The following PRPF31 variants were observed in gnomAD, a reference collection of about 807,000 sequenced individuals.
The protein encoded by PRPF31 is pre-mRNA processing factor 31.
PRPF31 carries 12 observed loss-of-function variants against 60.4 expected under a neutral mutation model. The observed-to-expected ratio is 0.20, with a 90% CI of 0.13 to 0.32. The LOEUF is 0.32. PRPF31 is among the 10% of genes least tolerant of loss of function. The pLI, the probability that PRPF31 is intolerant of heterozygous loss-of-function variation, is 1.00. For missense variants in PRPF31, 431 were observed against 687.1 expected (o/e 0.63, Z 4.17); for synonymous variants, 287 against 287.9 (o/e 1.00, Z 0.03).
At chr19:54,117,744 A>G (rs1339956750) in intron 1 of PRPF31, among the ~76,000 whole-genome samples, 6 of 151,688 alleles carry the variant, frequency 4.0e-5, no homozygotes, top group African/African-American at 1.5e-4. Context: ...CCAGCTACTC[A>G]GGAGGCTGAG....
At chr19:54,126,691 C>T in intron 9 of PRPF31, 74 bp downstream of exon 9, 1 of 1,392,744 alleles carries the variant, frequency 7.2e-7, no homozygotes, top group Non-Finnish European at 1.0e-6. Context: ...GGGAGACCCT[C>T]AGCAGGGAGC....
intron 9 of PRPF31, among the ~76,000 whole-genome samples, chr19:54,127,630 G>A (rs921918766): frequency 6.6e-6 from 1 of 152,220 alleles, no homozygotes; most frequent in Non-Finnish European, 1.5e-5. Context: ...TGTTATTCAA[G>A]TAATTATTCA....
Position 54,123,576 on chromosome 19 carries a change from G to T in PRPF31, c.527+16G>T. Reference sequence around the variant, plus strand: ...CCACCCAGGGGTATGTCCGCTTCGAGGGAGGCGCCGGGCCCTAATGGGATT... The same window carrying T: ...CCACCCAGGGGTATGTCCGCTTCGATGGAGGCGCCGGGCCCTAATGGGATT... On this transcript the variant is annotated intron_variant, in intron 6 of 13. Coordinates refer to ENST00000321030, the MANE Select transcript of PRPF31 (RefSeq NM_015629.4). 1 of 1,612,900 alleles carries T rather than the reference G, an allele frequency of 6.2e-7. No individual in the cohort carries two copies.
chr19:54,126,245 C>T (rs1568594366), intron 8 of PRPF31, among the ~76,000 whole-genome samples: 1 of 152,182 alleles, frequency 6.6e-6, no homozygotes, highest in Non-Finnish European at 1.5e-5. Context: ...CGAGTGCACT[C>T]CCCCCGGCGT....
At chr19:54,124,184 T>C (rs1431523645) in intron 7 of PRPF31, 3 of 711,572 alleles carry the variant, frequency 4.2e-6, no homozygotes, top group Non-Finnish European at 6.8e-6. Flanking sequence ...GCTCCTGGTT[T>C]GGTGAAAATG....
rs1374316824 is a variant in PRPF31, at chr19:54,124,638, C to T, written c.837C>T (p.Ile279=). Residue 279 remains isoleucine (I), a synonymous_variant, in exon 8 of 14, where the codon ATC becomes ATT. Transcript: ENST00000321030. ...PHTGYIYHSD[I]VQSLPPDLRR... is the part of the protein sequence containing the mutation. ...CCGGCTACATCTACCACAGTGACAT[C>T]GTGCAGTCCCTGCCACCGGTGAGCC... 9 of 1,613,280 alleles carry T rather than the reference C, an allele frequency of 5.6e-6. No individual in the cohort carries two copies. Among genetic ancestry groups the T allele is most frequent in the East Asian group, 4.5e-5 (2 of 44,884 alleles).
intron 8 of PRPF31, among the ~76,000 whole-genome samples, chr19:54,126,244 T>G (rs1184676342): frequency 6.6e-6 from 1 of 152,082 alleles, no homozygotes; most frequent in Non-Finnish European, 1.5e-5. Context: ...CCGAGTGCAC[T>G]CCCCCCGGCG....
At chr19:54,129,638 G>A (rs1317895035) in intron 13 of PRPF31, among the ~76,000 whole-genome samples, 2 of 133,392 alleles carry the variant, frequency 1.5e-5, no homozygotes, top group African/African-American at 5.5e-5. Flanking sequence ...TTCCTCTGTC[G>A]GGCTGTGAGC....
At chr19:54,128,971 G>A in intron 11 of PRPF31, 86 bp from the exon 12 acceptor site, 2 of 1,403,668 alleles carry the variant, frequency 1.4e-6, no homozygotes, top group Non-Finnish European at 2.0e-6. Flanking sequence ...GTGACCGCTG[G>A]GCTTCGGGCT....
chr19:54,123,671 C>A (rs1357810692), intron 6 of PRPF31, 78 bp from the exon 7 acceptor site: 8 of 1,517,204 alleles, frequency 5.3e-6, no homozygotes, highest in Non-Finnish European at 6.3e-6. Context: ...CACACACACA[C>A]ACAGAACCGA....
chr19:54,122,396 G>A, intron 4 of PRPF31, 101 bp from the exon 5 acceptor site: 1 of 906,506 alleles, frequency 1.1e-6, no homozygotes, highest in Admixed American at 1.7e-5. Flanking sequence ...CACAAGCCAG[G>A]GCTTCAGTTA....
At position 54,123,568 on chromosome 19, in the gene PRPF31, C is replaced by A; in HGVS notation, c.527+8C>A. ...CGCCTCCACCACCCAGGGGTATGTC[C>A]GCTTCGAGGGAGGCGCCGGGCCCTA... On this transcript the variant is annotated splice_region_variant and intron_variant, in intron 6 of 13. Transcript: ENST00000321030. 1 of 1,613,760 alleles carries A rather than the reference C, an allele frequency of 6.2e-7. No individual in the cohort carries two copies. Among genetic ancestry groups the A allele is most frequent in the Non-Finnish European group, 8.5e-7 (1 of 1,179,670 alleles).
intron 8 of PRPF31, 49 bp from the exon 9 acceptor site, chr19:54,126,479 C>T (rs749574668): frequency 6.4e-7 from 1 of 1,562,642 alleles, no homozygotes; most frequent in Non-Finnish European, 8.7e-7. Context: ...GCTGTTACCT[C>T]TGTCTGTCTG....
At chr19:54,128,679 G>A (rs914345459) in intron 11 of PRPF31, among the ~76,000 whole-genome samples, 10 of 151,992 alleles carry the variant, frequency 6.6e-5, no homozygotes, top group East Asian at 1.9e-4. Context: ...CGGCCGCCCC[G>A]TCCCTGGGCC....
chr19:54,129,231 TG>T (rs758700914), intron 12 of PRPF31, 40 bp from the exon 13 acceptor site: 42 of 1,601,780 alleles, frequency 2.6e-5, no homozygotes, highest in Admixed American at 3.4e-5. Context: ...GGACACAAGG[TG>T]GGGGGAGCCC....
intron 13 of PRPF31, among the ~76,000 whole-genome samples, chr19:54,129,770 A>G (rs1044035985): frequency 6.6e-6 from 1 of 150,522 alleles, no homozygotes; most frequent in Non-Finnish European, 1.5e-5. Context: ...GTGTGGGTCC[A>G]GGCCCCAGCC....
chr19:54,129,398 C>T lies in PRPF31; in HGVS notation c.1374+28C>T, dbSNP rs759061332. 4 of 1,564,370 alleles carry T rather than the reference C, an allele frequency of 2.6e-6. No homozygotes were observed. The South Asian group carries it at 3.5e-5, about 14-fold the overall frequency. On this transcript the variant is annotated intron_variant, in intron 13 of 13. Transcript: ENST00000321030. ...ACCTCCCCTGGGCCGGCTCTGTCCC[C>T]AGCCCTGAGACCTTGGCAAGGCCCC...
chr19:54,123,266 A>G (rs1344441985), intron 5 of PRPF31, 188 bp from the exon 6 acceptor site: 3 of 646,064 alleles, frequency 4.6e-6, no homozygotes, highest in Admixed American at 2.4e-5. Context: ...GATGGTGTGG[A>G]TGCTTGACGT....
chr19:54,129,265 C>G lies in PRPF31; in HGVS notation c.1276-7C>G. 6.2e-7 allele frequency: 1 copy of G among 1,610,650 alleles called. No individual in the cohort carries two copies. On this transcript the variant is annotated splice_polypyrimidine_tract_variant and splice_region_variant and intron_variant, in intron 12 of 13. Transcript: ENST00000321030. The stretch of plus-strand genomic sequence containing the variant: ...CCCAGATCGCAGCCTCCCTGTCCTC[C>G]CCACAGCGGACCCTGCAGAAGCAGA...
Sources: allele counts gnomAD v4.1 joint callset (sites outside exome capture counted in the v4.1 genomes callset), GRCh38; gene constraint gnomAD v4.1.1; transcripts MANE v1.5; gene names NCBI Gene and HGNC (gene_info 2026-07-23, HGNC 2026-07-21).